The following RTEL1 variants were observed in gnomAD, a reference collection of about 807,000 sequenced individuals.
RTEL1 encodes the protein regulator of telomere elongation helicase 1.
In RTEL1, 86 loss-of-function variants were observed where a neutral mutation model predicts 162.2. The observed-to-expected ratio is 0.53, with a 90% CI of 0.45 to 0.63. The LOEUF is 0.63. RTEL1 is among the 30% of genes least tolerant of loss of function. The pLI is 0.00. For missense variants in RTEL1, 1,941 were observed against 1,750.2 expected (o/e 1.11, Z -1.95); for synonymous variants, 958 against 717.9 (o/e 1.33, Z -5.35).
Position 63,695,482 on chromosome 20 carries a change from T to C in RTEL1, c.3654T>C (p.Gly1218=). The change falls in exon 34 of 35, where the codon GGT becomes GGC. Residue 1218 remains glycine (G), a synonymous_variant. Coordinates refer to ENST00000360203, the MANE Select transcript of RTEL1 (RefSeq NM_001283009.2). ...PPHGPAASEW[G]EPHGRDIAGQ... ...ACGGGCCTGCAGCATCTGAGTGGGG[T>C]GAGCCTCATGGGAGAGACATCGCTG... 1 of 1,607,520 alleles carries C rather than the reference T, an allele frequency of 6.2e-7. No individual in the cohort carries two copies. Among genetic ancestry groups the C allele is most frequent in the South Asian group, 1.1e-5 (1 of 90,324 alleles).
chr20:63,661,725 C>A lies in RTEL1; in HGVS notation c.302-125C>A, dbSNP rs776023154. The stretch of plus-strand genomic sequence containing the variant: ...GCCCACTTCACCCATTTTTGATAAA[C>A]CAGTATCTGGGGTGTCAGATTCTTG... On this transcript the variant is annotated intron_variant, in intron 3 of 34. Coordinates refer to ENST00000360203, the MANE Select transcript of RTEL1 (RefSeq NM_001283009.2). The surrounding 1 kb of genome is among the most constrained non-coding windows in gnomAD (Gnocchi z 5.1). 2 of 948,912 alleles carry A rather than the reference C, an allele frequency of 2.1e-6. No individual in the cohort carries two copies. The highest frequency in any genetic ancestry group is 3.3e-6 in the Non-Finnish European group (2 of 610,088). 58.8% of individuals were successfully genotyped at this position (948,912 alleles called of 1,614,324 possible). A position where few individuals can be genotyped will look rare whatever the true frequency, so the allele number is the denominator to read the frequency against.
intron 16 of RTEL1, chr20:63,686,955 G>C (rs903352753): frequency 1.3e-5 from 2 of 155,524 alleles, no homozygotes; most frequent in African/African-American, 4.8e-5. Flanking sequence ...TCCTGGAGGA[G>C]GGGGTGGGGA....
intron 10 of RTEL1, among the ~76,000 whole-genome samples, chr20:63,674,905 T>C (rs2090317963): frequency 2.0e-5 from 3 of 151,834 alleles, no homozygotes; most frequent in Non-Finnish European, 4.4e-5. Flanking sequence ...GTCTATATTT[T>C]CTTTCTTTTT....
chr20:63,691,994 C>G (rs1469850774), intron 28 of RTEL1, 157 bp downstream of exon 28: 3 of 592,934 alleles, frequency 5.1e-6, no homozygotes, highest in East Asian at 2.9e-5. Flanking sequence ...GCCAGGGGCT[C>G]AAGTGTGTGG....
In RTEL1 at chr20:63,687,979, G is replaced by T; in HGVS notation, c.1524G>T (p.Lys508Asn). Reference protein sequence around the residue: ...VCLENPHIIDKHQIWVGVVPR... With the variant: ...VCLENPHIIDNHQIWVGVVPR... The stretch of plus-strand genomic sequence containing the variant: ...TGGAGAACCCACACATCATCGACAA[G>T]CACCAGATCTGGGTGGGGGTCGTCC... The change falls in exon 18 of 35, where the codon AAG becomes AAT. Residue 508 changes from lysine to asparagine, a missense_variant. Transcript: ENST00000360203. 6.2e-7 allele frequency: 1 copy of T among 1,612,816 alleles called. No individual in the cohort carries two copies. Among genetic ancestry groups the T allele is most frequent in the Non-Finnish European group, 8.5e-7 (1 of 1,179,996 alleles).
chr20:63,693,415 TGGG>T, intron 30 of RTEL1, 132 bp downstream of exon 30: 2 of 1,063,544 alleles, frequency 1.9e-6, no homozygotes, highest in Non-Finnish European at 2.7e-6. Flanking sequence ...ATGGGAGTGA[TGGG>T]GGCCTCCACC....
intron 9 of RTEL1, among the ~76,000 whole-genome samples, chr20:63,673,003 A>G (rs931150845): frequency 5.3e-5 from 8 of 152,246 alleles, no homozygotes; most frequent in African/African-American, 1.9e-4. Flanking sequence ...AGACTGAGGC[A>G]GGAGAATCGC....
At position 63,661,290 on chromosome 20, in the gene RTEL1, C is replaced by T. The variant is rs1357456579; in HGVS notation, c.103-8C>T. The T allele has an allele frequency of 1.2e-6, 2 of 1,611,054 alleles. No individual in the cohort carries two copies. On this transcript the variant is annotated splice_region_variant and splice_polypyrimidine_tract_variant and intron_variant, in intron 2 of 34. Transcript: ENST00000360203. The surrounding 1 kb of genome is among the most constrained non-coding windows in gnomAD (Gnocchi z 5.1). ...TTCCCCGTAACCCTTGCTCCGAACTCCGTTCAGAAGGTGAATGGCATCCTG... is the reference window on the plus strand; with the variant it reads ...TTCCCCGTAACCCTTGCTCCGAACTTCGTTCAGAAGGTGAATGGCATCCTG...
intron 5 of RTEL1, 86 bp downstream of exon 5, chr20:63,662,713 G>A: frequency 6.2e-7 from 1 of 1,603,836 alleles, no homozygotes; most frequent in South Asian, 1.1e-5. Flanking sequence ...GCTCCCGCTG[G>A]GCTAGGGTTT....
At position 63,673,982 on chromosome 20, in the gene RTEL1, C is replaced by T; in HGVS notation, c.808C>T (p.His270Tyr). The T allele has an allele frequency of 6.2e-7, 1 of 1,614,044 alleles. No homozygotes were observed. The highest frequency in any genetic ancestry group is 2.2e-5 in the East Asian group (1 of 44,882). ...EESASFDLTP[H>Y]DLASGLDVID... is the part of the protein sequence containing the mutation. ...ATCGGCATCCTTTGACCTGACTCCC[C>T]ATGACCTGGCTTCAGGACTGGACGT... The change falls in exon 10 of 35, where the codon CAT becomes TAT. Residue 270 changes from histidine to tyrosine, a missense_variant. Physicochemically the swap from His to Tyr is moderately conservative, Grantham distance 83. Transcript: ENST00000360203.
chr20:63,688,218 TCCTGGAC>T (rs750703297), intron 19 of RTEL1, 39 bp downstream of exon 19: 3 of 1,610,348 alleles, frequency 1.9e-6, no homozygotes, highest in Non-Finnish European at 2.5e-6. Flanking sequence ...CCATCCTGGA[TCCTGGAC>T]CCCTGCTCCC....
chr20:63,680,861 G>A (rs1355575412), intron 14 of RTEL1, 142 bp downstream of exon 14: 10 of 1,495,246 alleles, frequency 6.7e-6, no homozygotes, highest in East Asian at 4.8e-5. Flanking sequence ...GCAAACTCTC[G>A]GCTCCTTTCC....
intron 13 of RTEL1, 101 bp downstream of exon 13, chr20:63,680,047 C>G: frequency 1.3e-6 from 1 of 779,246 alleles, no homozygotes; most frequent in Non-Finnish European, 2.0e-6. Context: ...GTCACCTGGC[C>G]GTCAGCAGGA....
Position 63,668,853 on chromosome 20 carries a change from C to G in RTEL1, c.699+1300C>G, listed in dbSNP as rs1005817726. ...AAGATGACCGTGAAGAAGAACAGAG[C>G]TGGAGGACTCACCTCGCTGGTTTCA... is the stretch of plus-strand genomic sequence containing the variant. On this transcript the variant is annotated intron_variant, in intron 8 of 34. Transcript: ENST00000360203. The surrounding 1 kb of genome is among the most constrained non-coding windows in gnomAD (Gnocchi z 4.3). 2.7e-4 allele frequency among the ~76,000 whole-genome samples: 41 copies of G among 152,338 alleles called. No homozygotes were observed. Among genetic ancestry groups the G allele is most frequent in the African/African-American group, 9.9e-4 (41 of 41,578 alleles).
At chr20:63,687,435 C>T (rs1568707115) in intron 16 of RTEL1, 3 of 585,324 alleles carry the variant, frequency 5.1e-6, no homozygotes, top group South Asian at 2.3e-5. Context: ...GACCCCCTGT[C>T]CCCCAGAGGG....
chr20:63,695,003 G>C, intron 32 of RTEL1, 29 bp downstream of exon 32: 1 of 1,610,684 alleles, frequency 6.2e-7, no homozygotes, highest in Non-Finnish European at 8.5e-7. Context: ...GGGAACAGCC[G>C]GTGGGGTGGG....
chr20:63,667,214 C>T (rs1322155472), intron 7 of RTEL1, among the ~76,000 whole-genome samples: 2 of 152,102 alleles, frequency 1.3e-5, no homozygotes, highest in Non-Finnish European at 1.5e-5. Context: ...ACTTTTCCAT[C>T]GAGTTTTTAA....
At position 63,696,124 on chromosome 20, in the gene RTEL1, TGA is replaced by T. The variant is rs1265892189; in HGVS notation, c.*268_*269del. The stretch of plus-strand genomic sequence containing the variant: ...CAGAACTTCCCTGGCTCCTGGCCTG[TGA>T]GTGGTGCCACAGGGGCACCCCAGCT... On this transcript the variant is annotated 3_prime_UTR_variant, in exon 35 of 35. Transcript: ENST00000360203. 47 of 527,680 alleles carry T rather than the reference TGA, an allele frequency of 8.9e-5. No homozygotes were observed. In the East Asian group the frequency reaches 1.4e-3, roughly 16 times the overall value. 32.7% of individuals were successfully genotyped at this position (527,680 alleles called of 1,614,324 possible). A position where few individuals can be genotyped will look rare whatever the true frequency, so the allele number is the denominator to read the frequency against.
intron 30 of RTEL1, among the ~76,000 whole-genome samples, chr20:63,694,123 G>A (rs1011432922): frequency 6.6e-6 from 1 of 152,212 alleles, no homozygotes; most frequent in East Asian, 1.9e-4. Flanking sequence ...ATATCCTCAT[G>A]CCTGCACCCA....
Sources: allele counts gnomAD v4.1 joint callset (sites outside exome capture counted in the v4.1 genomes callset), GRCh38; gene constraint gnomAD v4.1.1; non-coding constraint Gnocchi (gnomAD v3.1); transcripts MANE v1.5; gene names NCBI Gene and HGNC (gene_info 2026-07-23, HGNC 2026-07-21).